The following RAB11FIP4 variants were observed in gnomAD, a reference collection of about 807,000 sequenced individuals.
RAB11FIP4 encodes RAB11 family interacting protein 4.
A neutral mutation model predicts 74.3 loss-of-function variants in RAB11FIP4; 23 were observed. The ratio of observed to expected loss-of-function variants is 0.31; its 90% CI spans 0.22 to 0.44. The LOEUF (loss-of-function observed/expected upper bound fraction) is 0.44, where lower values mean the gene tolerates loss of function less well. RAB11FIP4 is among the 20% of genes least tolerant of loss of function. RAB11FIP4 has a pLI of 1.00. For missense variants in RAB11FIP4, 630 were observed against 863.9 expected (o/e 0.73, Z 3.39); for synonymous variants, 360 against 359.9 (o/e 1.00, Z 0.00).
intron 1 of RAB11FIP4, among the ~76,000 whole-genome samples, chr17:31,403,104 G>A (rs911107543): frequency 9.6e-6 from 1 of 103,982 alleles, no homozygotes; most frequent in South Asian, 3.8e-4. Flanking sequence ...CCGCCCCCCC[G>A]CCCAGCCATG....
At chr17:31,481,505 G>C (rs1252881886) in intron 3 of RAB11FIP4, among the ~76,000 whole-genome samples, 1 of 152,168 alleles carries the variant, frequency 6.6e-6, no homozygotes, top group East Asian at 1.9e-4. Context: ...TGCTGCCCAA[G>C]TCTGGGAGGA....
chr17:31,524,287 C>G, intron 9 of RAB11FIP4: 1 of 396,012 alleles, frequency 2.5e-6, no homozygotes, highest in Non-Finnish European at 4.7e-6. Flanking sequence ...TCCACTGTGT[C>G]TCACTCATAC....
chr17:31,488,277 G>A, intron 3 of RAB11FIP4: 1 of 1,177,668 alleles, frequency 8.5e-7, no homozygotes, highest in South Asian at 4.2e-5. Flanking sequence ...AGCCAGGTAA[G>A]CGGCGGCCCC....
At chr17:31,486,494 C>T (rs2071903136) in intron 3 of RAB11FIP4, among the ~76,000 whole-genome samples, 1 of 152,150 alleles carries the variant, frequency 6.6e-6, no homozygotes, top group South Asian at 2.1e-4. Flanking sequence ...CCAAGCTGGC[C>T]TCAAATACCT....
At chr17:31,492,307 C>T (rs2072024576) in intron 3 of RAB11FIP4, among the ~76,000 whole-genome samples, 1 of 152,182 alleles carries the variant, frequency 6.6e-6, no homozygotes, top group Non-Finnish European at 1.5e-5. Context: ...TTTAGTCTGT[C>T]CAGGTTAGGG....
intron 3 of RAB11FIP4, among the ~76,000 whole-genome samples, chr17:31,466,800 T>A (rs2071690166): frequency 6.6e-6 from 1 of 152,178 alleles, no homozygotes; most frequent in Admixed American, 6.5e-5. Flanking sequence ...CAGAGCAAAG[T>A]TGAGCTTCCC....
chr17:31,505,280 G>C lies in RAB11FIP4; in HGVS notation c.337-12371G>C, dbSNP rs574763003. Among the ~76,000 whole-genome samples, 3 of 148,376 alleles carry C rather than the reference G, an allele frequency of 2.0e-5. No homozygotes were observed. The South Asian group carries it at 6.3e-4, about 31-fold the overall frequency. ...TTTTTCATTAGCCTTTAATCTACTG[G>C]TGTTATTCTGCAGTTGTTGAGTGTA... On this transcript the variant is annotated intron_variant, in intron 3 of 14. Transcript: ENST00000621161.
chr17:31,398,063 T>G (rs2070947398), intron 1 of RAB11FIP4, among the ~76,000 whole-genome samples: 1 of 152,028 alleles, frequency 6.6e-6, no homozygotes, highest in African/African-American at 2.4e-5. Context: ...ACACTTTTTT[T>G]TTTTGAGACG....
rs942945881 is a variant in RAB11FIP4, at chr17:31,527,703, T to C, written c.1275-139T>C. The C allele has an allele frequency of 1.1e-5, 7 of 624,710 alleles. No individual in the cohort carries two copies. The Admixed American group carries it at 1.6e-4, about 14-fold the overall frequency. The allele number at this position is 624,710 out of a possible 1,614,324, so 38.7% of individuals were successfully genotyped here. ...GCTCACGGCTAAATTGTCTTTGACA[T>C]AATAATCATATTCTTTCTCTCAGTT... On this transcript the variant is annotated intron_variant, in intron 10 of 14. Coordinates refer to ENST00000621161, the MANE Select transcript of RAB11FIP4 (RefSeq NM_032932.6).
intron 1 of RAB11FIP4, among the ~76,000 whole-genome samples, chr17:31,411,394 C>G (rs1195986788): frequency 6.6e-6 from 1 of 152,062 alleles, no homozygotes; most frequent in Non-Finnish European, 1.5e-5. Context: ...ACAAACAAAA[C>G]AACCTCGCTT....
chr17:31,530,351 A>G lies in RAB11FIP4; in HGVS notation c.1679A>G (p.Asn560Ser). 6.2e-7 allele frequency: 1 copy of G among 1,614,196 alleles called. No homozygotes were observed. Among genetic ancestry groups the G allele is most frequent in the South Asian group, 1.1e-5 (1 of 91,082 alleles). Residue 560 changes from asparagine to serine, a missense_variant, in exon 14 of 15, where the codon AAC becomes AGC. By Grantham distance (46) the Asn-to-Ser change is conservative. Coordinates refer to ENST00000621161, the MANE Select transcript of RAB11FIP4 (RefSeq NM_032932.6). ...KQENYKLRDQ[N>S]DDLNGQILSL... ...GAGAATTATAAGCTGCGGGATCAGA[A>G]CGACGACTTGAATGGGCAGATTTTG...
At position 31,503,405 on chromosome 17, in the gene RAB11FIP4, A is replaced by G. The variant is rs537813900; in HGVS notation, c.337-14246A>G. 2.7e-5 allele frequency among the ~76,000 whole-genome samples: 4 copies of G among 149,762 alleles called. No homozygotes were observed. In the South Asian group the frequency reaches 8.3e-4, roughly 31 times the overall value. ...TGAAGTACTAGGGATTAGGACTTCAATATATGAATTTTAGAGGGAACAGGA... is the reference window on the plus strand; with the variant it reads ...TGAAGTACTAGGGATTAGGACTTCAGTATATGAATTTTAGAGGGAACAGGA... On this transcript the variant is annotated intron_variant, in intron 3 of 14. Coordinates refer to ENST00000621161, the MANE Select transcript of RAB11FIP4 (RefSeq NM_032932.6).
intron 3 of RAB11FIP4, among the ~76,000 whole-genome samples, chr17:31,456,685 C>T (rs2071581888): frequency 6.6e-6 from 1 of 152,166 alleles, no homozygotes; most frequent in Non-Finnish European, 1.5e-5. Context: ...ATCTGCCTTT[C>T]CATTTAATCA....
chr17:31,414,410 C>G (rs896759053), intron 1 of RAB11FIP4, among the ~76,000 whole-genome samples: 6 of 152,238 alleles, frequency 3.9e-5, no homozygotes, highest in African/African-American at 1.4e-4. Flanking sequence ...AAGGAACGGA[C>G]AGATGGGCGG....
chr17:31,449,859 C>G (rs1597923633), intron 3 of RAB11FIP4, among the ~76,000 whole-genome samples: 1 of 152,194 alleles, frequency 6.6e-6, no homozygotes, highest in Non-Finnish European at 1.5e-5. Context: ...GCATGAGCCA[C>G]CTTGCCTGGC....
At position 31,531,692 on chromosome 17, in the gene RAB11FIP4, T is replaced by C. The variant is rs1158994639; in HGVS notation, c.1874T>C (p.Ile625Thr). The C allele has an allele frequency of 6.2e-7, 1 of 1,614,036 alleles. No homozygotes were observed. The highest frequency in any genetic ancestry group is 1.7e-5 in the Admixed American group (1 of 60,018). Residue 625 changes from isoleucine (I) to threonine (T), a missense_variant, in exon 15 of 15, where the codon ATC (isoleucine) becomes ACC (threonine). Ile to Thr is a moderately conservative substitution (Grantham distance 89). Coordinates refer to ENST00000621161, the MANE Select transcript of RAB11FIP4 (RefSeq NM_032932.6). ...RQYMDKIILA[I>T]LDHNPSILEI... The stretch of plus-strand genomic sequence containing the variant: ...TACATGGACAAGATTATCCTCGCCA[T>C]CCTGGACCACAATCCCTCCATCCTC...
intron 1 of RAB11FIP4, among the ~76,000 whole-genome samples, chr17:31,399,748 A>C (rs1322954685): frequency 1.3e-5 from 2 of 150,372 alleles, no homozygotes; most frequent in Admixed American, 1.3e-4. Context: ...ACAAATAAAA[A>C]ATTTTTATTC....
At chr17:31,464,420 A>G (rs1416368496) in intron 3 of RAB11FIP4, among the ~76,000 whole-genome samples, 1 of 152,078 alleles carries the variant, frequency 6.6e-6, no homozygotes, top group East Asian at 1.9e-4. Flanking sequence ...AGCAGAGAAA[A>G]TGGGGATGGG....
intron 3 of RAB11FIP4, among the ~76,000 whole-genome samples, chr17:31,464,899 T>C (rs1210354535): frequency 6.6e-6 from 1 of 151,708 alleles, no homozygotes; most frequent in East Asian, 1.9e-4. Context: ...TAGCAGGAAC[T>C]ACAGGCACGT....
Sources: allele counts gnomAD v4.1 joint callset (sites outside exome capture counted in the v4.1 genomes callset), GRCh38; gene constraint gnomAD v4.1.1; transcripts MANE v1.5; gene names NCBI Gene and HGNC (gene_info 2026-07-23, HGNC 2026-07-21).